Variants in KCNIP4 observed in about 807,000 individuals in gnomAD.
The protein encoded by KCNIP4 is Kv channel-interacting protein 4.
KCNIP4 carries 12 observed loss-of-function variants against 34.0 expected under a neutral mutation model. The observed-to-expected ratio is 0.35, with a 90% CI of 0.23 to 0.57. KCNIP4 has a LOEUF of 0.57. Ranked by LOEUF, KCNIP4 falls within the 20% of genes least tolerant of loss-of-function variation. KCNIP4 has a pLI of 0.83. For missense variants in KCNIP4, 238 were observed against 311.7 expected, an observed-to-expected ratio of 0.76 and a Z score of 1.78; for synonymous variants, 124 against 102.2, an observed-to-expected ratio of 1.21 and a Z score of -1.29.
At chr4:21,489,381 A>G (rs1164905579) in intron 1 of KCNIP4, among the ~76,000 whole-genome samples, 4 of 151,964 alleles carry the variant, frequency 2.6e-5, no homozygotes. Flanking sequence ...TTGAATAGGA[A>G]GTAGGGCCTT....
At chr4:21,553,993 A>G (rs1403654363) in intron 1 of KCNIP4, among the ~76,000 whole-genome samples, 1 of 152,132 alleles carries the variant, frequency 6.6e-6, no homozygotes, top group East Asian at 1.9e-4. Context: ...TCAACCCACT[A>G]TGGGGAGTTA....
At chr4:21,107,543 C>G (rs1186537298) in intron 1 of KCNIP4, among the ~76,000 whole-genome samples, 4 of 149,760 alleles carry the variant, frequency 2.7e-5, no homozygotes, top group Admixed American at 2.6e-4. Flanking sequence ...TGGGTCTTGA[C>G]TCTTTATCCA....
intron 1 of KCNIP4, among the ~76,000 whole-genome samples, chr4:21,443,400 T>C (rs1727662434): frequency 6.6e-6 from 1 of 152,220 alleles, no homozygotes; most frequent in South Asian, 2.1e-4. Context: ...TAATGGTTAA[T>C]TCTATGTTTC....
intron 1 of KCNIP4, among the ~76,000 whole-genome samples, chr4:21,148,803 A>G (rs1752567410): frequency 6.6e-6 from 1 of 152,110 alleles, no homozygotes; most frequent in African/African-American, 2.4e-5. Flanking sequence ...TTGCCAAATC[A>G]TTTTATTTAT....
intron 1 of KCNIP4, among the ~76,000 whole-genome samples, chr4:21,795,094 A>T (rs1297677153): frequency 6.6e-6 from 1 of 152,126 alleles, no homozygotes; most frequent in Non-Finnish European, 1.5e-5. Context: ...TCAAAATGAG[A>T]TTGTATTCGG....
chr4:20,899,024 T>A (rs891529940), intron 1 of KCNIP4, among the ~76,000 whole-genome samples: 1 of 152,204 alleles, frequency 6.6e-6, no homozygotes, highest in Non-Finnish European at 1.5e-5. Flanking sequence ...GCAAAAAAGA[T>A]TTTTGTACAT....
intron 1 of KCNIP4, among the ~76,000 whole-genome samples, chr4:21,743,723 G>A (rs1372715382): frequency 6.7e-6 from 1 of 150,022 alleles, no homozygotes; most frequent in African/African-American, 2.5e-5. Context: ...AACTTGAGTG[G>A]TCTAAGAAAA....
At chr4:21,656,181 C>T (rs1320599776) in intron 1 of KCNIP4, among the ~76,000 whole-genome samples, 3 of 152,132 alleles carry the variant, frequency 2.0e-5, no homozygotes, top group East Asian at 3.9e-4. Flanking sequence ...GGTTTGCTGG[C>T]AATCTTGGTT....
At chr4:20,828,870 G>C (rs1718084205) in intron 3 of KCNIP4, among the ~76,000 whole-genome samples, 1 of 152,304 alleles carries the variant, frequency 6.6e-6, no homozygotes, top group South Asian at 2.1e-4. Context: ...AGAGTACTGA[G>C]AGATAGGACA....
chr4:20,913,306 C>T (rs1728504158), intron 1 of KCNIP4, among the ~76,000 whole-genome samples: 1 of 151,918 alleles, frequency 6.6e-6, no homozygotes, highest in South Asian at 2.1e-4. Flanking sequence ...TTTTAGAATT[C>T]CATTTATATG....
In KCNIP4 at chr4:21,270,874, T is replaced by C. The variant is rs139268290; in HGVS notation, c.62-388165A>G. 1.3e-4 allele frequency among the ~76,000 whole-genome samples: 20 copies of C among 151,320 alleles called. No individual in the cohort carries two copies. The East Asian group carries it at 3.9e-3, about 30-fold the overall frequency. On this transcript the variant is annotated intron_variant, in intron 1 of 8. Transcript: ENST00000382152. ...TGTGGTGTGCACCTATAGTTACAGC[T>C]ATTCAGGGGGCTGAGGCAGGAGAAT...
intron 1 of KCNIP4, among the ~76,000 whole-genome samples, chr4:21,205,927 C>T (rs1191589921): frequency 6.6e-6 from 1 of 152,178 alleles, no homozygotes; most frequent in Non-Finnish European, 1.5e-5. Flanking sequence ...AATATAACAT[C>T]CGTGACATCG....
chr4:20,934,898 G>A (rs541950466), intron 1 of KCNIP4, among the ~76,000 whole-genome samples: 48 of 152,252 alleles, frequency 3.2e-4, no homozygotes, highest in Admixed American at 2.4e-3. Flanking sequence ...CAGCAGGGAC[G>A]TACTTCCTTT....
chr4:20,887,452 G>A (rs1396351929), intron 1 of KCNIP4, among the ~76,000 whole-genome samples: 1 of 151,552 alleles, frequency 6.6e-6, no homozygotes, highest in Non-Finnish European at 1.5e-5. Flanking sequence ...CATAGCTGTA[G>A]GCAAAATGCT....
intron 1 of KCNIP4, among the ~76,000 whole-genome samples, chr4:21,874,247 T>C (rs1176187471): frequency 6.6e-6 from 1 of 152,266 alleles, no homozygotes; most frequent in Non-Finnish European, 1.5e-5. Flanking sequence ...AGAAGCTTCC[T>C]GAGACTGCTT....
chr4:21,699,010 A>C, intron 1 of KCNIP4, among the ~76,000 whole-genome samples: 1 of 152,356 alleles, frequency 6.6e-6, no homozygotes, highest in African/African-American at 2.4e-5. Context: ...TATTTAAGAT[A>C]TAAATAGACT....
At chr4:20,809,141 CTCATT>C (rs1439816760) in intron 3 of KCNIP4, among the ~76,000 whole-genome samples, 1 of 152,148 alleles carries the variant, frequency 6.6e-6, no homozygotes, top group Non-Finnish European at 1.5e-5. Flanking sequence ...CAAACTCATG[CTCATT>C]TATTTAGTTG....
At chr4:21,108,024 G>T (rs79764132) in intron 1 of KCNIP4, among the ~76,000 whole-genome samples, 1 of 151,134 alleles carries the variant, frequency 6.6e-6, no homozygotes, top group Non-Finnish European at 1.5e-5. Flanking sequence ...CTCTCTGGCT[G>T]CCCTTAACAT....
chr4:21,700,631 T>C (rs1181180984), intron 1 of KCNIP4, among the ~76,000 whole-genome samples: 1 of 152,162 alleles, frequency 6.6e-6, no homozygotes, highest in East Asian at 1.9e-4. Flanking sequence ...TATTTTTGTT[T>C]TATTGTCTGT....
Sources: gnomAD v4.1 joint callset for allele counts (sites outside exome capture counted in the v4.1 genomes callset) on GRCh38, gnomAD v4.1.1 for gene constraint, MANE v1.5 for transcripts, NCBI Gene and HGNC (gene_info 2026-07-23, HGNC 2026-07-21) for gene names.